LRP1B: variants seen among roughly 807,000 people sequenced by gnomAD.
The protein encoded by LRP1B is LDL receptor related protein 1B, also known as low-density lipoprotein receptor-related protein 1B.
A neutral mutation model predicts 556.6 loss-of-function variants in LRP1B; 217 were observed. The observed-to-expected ratio is 0.39, with a 90% CI of 0.35 to 0.44. The LOEUF is 0.44. Ranked by LOEUF, LRP1B falls within the 20% of genes least tolerant of loss-of-function variation. The pLI, the probability that LRP1B is intolerant of heterozygous loss-of-function variation, is 1.00. For synonymous variants in LRP1B, 2,047 were observed against 1,865.8 expected (o/e 1.10, Z -2.50); for missense variants, 5,053 against 5,620.8 (o/e 0.90, Z 3.23).
chr2:141,757,007 T>A (rs746334005), intron 2 of LRP1B, among the ~76,000 whole-genome samples: 4 of 152,140 alleles, frequency 2.6e-5, no homozygotes, highest in Non-Finnish European at 1.5e-5. Flanking sequence ...GTGAATGGAA[T>A]AAGAAAACTA....
chr2:141,163,425 A>C (rs1680117373), intron 7 of LRP1B, among the ~76,000 whole-genome samples: 1 of 152,192 alleles, frequency 6.6e-6, no homozygotes, highest in South Asian at 2.1e-4. Flanking sequence ...GATCATTTAG[A>C]CATATGATAA....
chr2:140,488,049 A>C (rs1353504911), intron 57 of LRP1B, among the ~76,000 whole-genome samples: 1 of 151,994 alleles, frequency 6.6e-6, no homozygotes, highest in Non-Finnish European at 1.5e-5. Flanking sequence ...AAGGAGATAA[A>C]GTTTAGAATT....
At chr2:141,753,263 C>CTATATATATATATATATATATAT (rs533996017) in intron 2 of LRP1B, among the ~76,000 whole-genome samples, 1 of 62,502 alleles carries the variant, frequency 1.6e-5, no homozygotes, top group Non-Finnish European at 3.4e-5. Flanking sequence ...TCTCTCTCTC[C>CTATATATATATATATATATATAT]ATATATATAT....
intron 3 of LRP1B, among the ~76,000 whole-genome samples, chr2:141,376,431 C>G (rs905859662): frequency 3.3e-5 from 5 of 152,196 alleles, no homozygotes; most frequent in African/African-American, 1.2e-4. Context: ...CTCCTTACTT[C>G]TGGTGCTTCC....
At chr2:141,078,358 G>A (rs1380046280) in intron 7 of LRP1B, among the ~76,000 whole-genome samples, 8 of 151,932 alleles carry the variant, frequency 5.3e-5, no homozygotes. Context: ...TTTCAGTCCT[G>A]CAGTCCAGCT....
At chr2:141,769,534 G>A (rs1179555799) in intron 2 of LRP1B, among the ~76,000 whole-genome samples, 1 of 152,140 alleles carries the variant, frequency 6.6e-6, no homozygotes, top group Non-Finnish European at 1.5e-5. Context: ...AGGGCAATAG[G>A]GAACTTGGCA....
rs1196455153 is a variant in LRP1B, at chr2:142,098,051, G to C, written c.82+32597C>G. On this transcript the variant is annotated intron_variant, in intron 1 of 90. Transcript: ENST00000389484. ...TGTTTTGAAGAACAAGAATAAGCTA[G>C]AGAAAATCCAGCTGTCTTTTACAGA... is the stretch of plus-strand genomic sequence containing the variant. 2.6e-5 allele frequency among the ~76,000 whole-genome samples: 4 copies of C among 151,680 alleles called. No individual in the cohort carries two copies. In the Admixed American group the frequency reaches 2.6e-4, roughly 10 times the overall value.
intron 9 of LRP1B, among the ~76,000 whole-genome samples, chr2:141,056,780 T>G (rs999315082): frequency 6.6e-6 from 1 of 151,912 alleles, no homozygotes; most frequent in African/African-American, 2.4e-5. Flanking sequence ...CAAATTGGTA[T>G]CTCAAGCTTG....
In LRP1B at chr2:140,741,671, T is replaced by A. The variant is rs183181020; in HGVS notation, c.5759-24855A>T. On this transcript the variant is annotated intron_variant, in intron 35 of 90. Transcript: ENST00000389484. ...CTCAAGTAGGCCTCTGTGTCTATTGTTCTCTTCTCTGTATCCATATGTACT... is the reference window on the plus strand; with the variant it reads ...CTCAAGTAGGCCTCTGTGTCTATTGATCTCTTCTCTGTATCCATATGTACT... 2.8e-3 allele frequency among the ~76,000 whole-genome samples: 423 copies of A among 151,786 alleles called. 2 individuals carry two copies. The highest frequency in any genetic ancestry group is 9.7e-3 in the African/African-American group (402 of 41,412).
chr2:141,557,872 A>G (rs1686017036), intron 2 of LRP1B, among the ~76,000 whole-genome samples: 1 of 152,022 alleles, frequency 6.6e-6, no homozygotes, highest in African/African-American at 2.4e-5. Context: ...TACCATAACC[A>G]AAACTTAGCA....
intron 1 of LRP1B, among the ~76,000 whole-genome samples, chr2:141,876,350 TGGAAAA>T (rs1229635065): frequency 6.6e-6 from 1 of 151,916 alleles, no homozygotes; most frequent in Non-Finnish European, 1.5e-5. Flanking sequence ...GCAGTGGTAG[TGGAAAA>T]TAAAAACAGT....
intron 1 of LRP1B, among the ~76,000 whole-genome samples, chr2:142,015,050 G>A (rs1353119987): frequency 2.0e-5 from 3 of 152,132 alleles, no homozygotes; most frequent in Non-Finnish European, 4.4e-5. Context: ...AGAGTAACTG[G>A]GAATTACATT....
intron 22 of LRP1B, among the ~76,000 whole-genome samples, chr2:140,907,597 C>A (rs978429090): frequency 1.3e-5 from 2 of 152,132 alleles, no homozygotes; most frequent in African/African-American, 4.8e-5. Context: ...GCGGGAACAT[C>A]ACTGGCCATC....
At chr2:142,027,167 G>C (rs1255842910) in intron 1 of LRP1B, among the ~76,000 whole-genome samples, 1 of 152,034 alleles carries the variant, frequency 6.6e-6, no homozygotes, top group South Asian at 2.1e-4. Flanking sequence ...TTCCCATGGA[G>C]AGTGGTCAGA....
At position 140,922,958 on chromosome 2, in the gene LRP1B, C is replaced by T. The variant is rs2105258092; in HGVS notation, c.3319+7G>A. On this transcript the variant is annotated splice_region_variant and intron_variant, in intron 21 of 90. Transcript: ENST00000389484. ...CCCAATAGAAGCCAAAAGCAATGTTCACTTACCTGTACTCCAACAGGAAAA... is the reference window on the plus strand; with the variant it reads ...CCCAATAGAAGCCAAAAGCAATGTTTACTTACCTGTACTCCAACAGGAAAA... 6.2e-7 allele frequency: 1 copy of T among 1,610,554 alleles called. No homozygotes were observed. Among genetic ancestry groups the T allele is most frequent in the Non-Finnish European group, 8.5e-7 (1 of 1,177,988 alleles).
rs144423911 is a variant in LRP1B, at chr2:141,001,107, A to G, written c.2503+4228T>C. Among the ~76,000 whole-genome samples, 726 of 152,208 alleles carry G rather than the reference A, an allele frequency of 4.8e-3. 8 individuals are homozygous for G. Among genetic ancestry groups the G allele is most frequent in the African/African-American group, 0.016 (679 of 41,562 alleles). ...TCAAATGTTAGTACATGATGAATGC[A>G]AGTCCCCTCCCCCTGTAACTTCCTA... On this transcript the variant is annotated intron_variant, in intron 15 of 90. Transcript: ENST00000389484.
At chr2:140,386,101 A>G (rs1683750400) in intron 66 of LRP1B, 92 bp from the exon 67 acceptor site, 2 of 755,268 alleles carry the variant, frequency 2.6e-6, no homozygotes, top group South Asian at 3.5e-5. Context: ...CATGGCATAT[A>G]ATGTTTCCTT....
At chr2:140,537,806 T>G (rs1679979339) in intron 45 of LRP1B, among the ~76,000 whole-genome samples, 1 of 152,148 alleles carries the variant, frequency 6.6e-6, no homozygotes, top group African/African-American at 2.4e-5. Flanking sequence ...TTTCTACAGG[T>G]GAGTTTCATC....
intron 1 of LRP1B, among the ~76,000 whole-genome samples, chr2:142,080,590 C>T (rs943514242): frequency 1.4e-5 from 2 of 147,408 alleles, no homozygotes. Flanking sequence ...AATAATTCAG[C>T]CCAATGTAAT....
Sources: allele counts gnomAD v4.1 joint callset (sites outside exome capture counted in the v4.1 genomes callset), GRCh38; gene constraint gnomAD v4.1.1; transcripts MANE v1.5; gene names NCBI Gene and HGNC (gene_info 2026-07-23, HGNC 2026-07-21).